LINGO2: variants seen among roughly 807,000 people sequenced by gnomAD.
LINGO2 encodes the protein leucine rich repeat and Ig domain containing 2.
Under a neutral mutation model 30.6 loss-of-function variants are expected in LINGO2, and 14 were observed. That is an observed-to-expected ratio of 0.46 (90% CI 0.30 to 0.72). The LOEUF (loss-of-function observed/expected upper bound fraction) is 0.72, where lower values mean the gene tolerates loss of function less well. LINGO2 is among the 30% of genes least tolerant of loss of function. LINGO2 has a pLI of 0.07. For missense variants in LINGO2, 729 were observed against 751.7 expected (o/e 0.97, Z 0.35); for synonymous variants, 317 against 288.5 (o/e 1.10, Z -1.00).
At chr9:28,298,445 C>T (rs887928786) in intron 3 of LINGO2, among the ~76,000 whole-genome samples, 3 of 147,916 alleles carry the variant, frequency 2.0e-5, no homozygotes, top group South Asian at 2.1e-4. Flanking sequence ...GGGTGGATCA[C>T]GAGGTCAAGA....
the LINGO2 span, among the ~76,000 whole-genome samples, chr9:28,767,777 C>G: frequency 3.5e-5 from 4 of 114,156 alleles, no homozygotes; most frequent in African/African-American, 1.4e-4. Context: ...TAGAGCAAGA[C>G]TCCATTTCAA....
At chr9:28,264,296 G>C (rs888860963) in intron 4 of LINGO2, among the ~76,000 whole-genome samples, 1 of 151,766 alleles carries the variant, frequency 6.6e-6, no homozygotes, top group Non-Finnish European at 1.5e-5. Flanking sequence ...AATAACGTAG[G>C]TTCCAGGAAA....
chr9:28,383,936 G>C (rs930209731), intron 2 of LINGO2, among the ~76,000 whole-genome samples: 1 of 151,950 alleles, frequency 6.6e-6, no homozygotes, highest in African/African-American at 2.4e-5. Flanking sequence ...AGAAACCTAT[G>C]ATCTTATGCT....
At chr9:28,391,518 G>T (rs535398290) in intron 2 of LINGO2, among the ~76,000 whole-genome samples, 12 of 152,066 alleles carry the variant, frequency 7.9e-5, no homozygotes, top group Non-Finnish European at 4.4e-5. Context: ...CCTTACCAAG[G>T]CCTTCCCTGT....
At chr9:28,444,487 C>T (rs547696000) in intron 2 of LINGO2, among the ~76,000 whole-genome samples, 1 of 152,278 alleles carries the variant, frequency 6.6e-6, no homozygotes, top group Admixed American at 6.5e-5. Flanking sequence ...CCCCATCAAC[C>T]CATTCACCAC....
At chr9:28,063,802 T>C (rs1825228457) in intron 4 of LINGO2, among the ~76,000 whole-genome samples, 1 of 152,186 alleles carries the variant, frequency 6.6e-6, no homozygotes, top group South Asian at 2.1e-4. Flanking sequence ...TGGACACTTC[T>C]ACATGCAACA....
At chr9:28,367,996 A>T (rs190363913) in intron 3 of LINGO2, among the ~76,000 whole-genome samples, 130 of 151,530 alleles carry the variant, frequency 8.6e-4, no homozygotes, top group Admixed American at 5.6e-3. Context: ...TTTTTCCAAG[A>T]GCTTTTACTT....
chr9:29,137,903 A>C, the LINGO2 span, among the ~76,000 whole-genome samples: 1 of 152,220 alleles, frequency 6.6e-6, no homozygotes, highest in East Asian at 1.9e-4. Flanking sequence ...AGAAAATAAT[A>C]ATATAGGACT....
chr9:28,503,739 G>A (rs1208951833), intron 1 of LINGO2, among the ~76,000 whole-genome samples: 1 of 151,816 alleles, frequency 6.6e-6, no homozygotes, highest in African/African-American at 2.4e-5. Context: ...TTCTTCCATG[G>A]GAAAACTCCG....
intron 2 of LINGO2, among the ~76,000 whole-genome samples, chr9:28,433,391 G>A (rs1285992497): frequency 1.3e-5 from 2 of 152,036 alleles, no homozygotes; most frequent in Non-Finnish European, 2.9e-5. Flanking sequence ...CAACATATCA[G>A]GCATCATGCT....
intron 1 of LINGO2, among the ~76,000 whole-genome samples, chr9:28,498,501 T>C (rs558347476): frequency 2.6e-5 from 4 of 152,274 alleles, no homozygotes; most frequent in African/African-American, 9.6e-5. Context: ...GCTAAGACCA[T>C]TGGAAAGGAC....
chr9:29,043,456 A>G, the LINGO2 span, among the ~76,000 whole-genome samples: 278 of 152,124 alleles, frequency 1.8e-3, 2 homozygotes, highest in South Asian at 3.1e-3. Context: ...AGTCACTAAA[A>G]TCTCTATAAA....
chr9:28,827,595 T>C, the LINGO2 span, among the ~76,000 whole-genome samples: 80 of 152,136 alleles, frequency 5.3e-4, no homozygotes, highest in African/African-American at 1.6e-3. Flanking sequence ...TGACAATACA[T>C]ATTTGTTGAA....
chr9:28,846,437 C>A, the LINGO2 span, among the ~76,000 whole-genome samples: 24 of 125,680 alleles, frequency 1.9e-4, 1 homozygote, highest in East Asian at 5.8e-3. Flanking sequence ...TTAAGATTCC[C>A]GATTTATTGC....
At position 28,563,414 on chromosome 9, in the gene LINGO2, G is replaced by A. The variant is rs117431251; in HGVS notation, c.-364-87389C>T. On this transcript the variant is annotated intron_variant, in intron 1 of 5. Coordinates refer to ENST00000379992, the Ensembl canonical transcript of LINGO2. The stretch of plus-strand genomic sequence containing the variant: ...AGAAGTCATACAGCTTTCTATTTAC[G>A]TCTAAGTTCAAAACATATTCTGGAC... 3.4e-3 allele frequency among the ~76,000 whole-genome samples: 513 copies of A among 152,084 alleles called. 1 individual carries two copies. Among genetic ancestry groups the A allele is most frequent in the Non-Finnish European group, 5.5e-3 (374 of 67,994 alleles).
At chr9:28,264,035 C>T (rs573708841) in intron 4 of LINGO2, among the ~76,000 whole-genome samples, 1 of 151,022 alleles carries the variant, frequency 6.6e-6, no homozygotes, top group Non-Finnish European at 1.5e-5. Flanking sequence ...AGATATACCA[C>T]GAGCTCTCAT....
the LINGO2 span, among the ~76,000 whole-genome samples, chr9:28,727,375 T>G: frequency 6.6e-6 from 1 of 151,926 alleles, no homozygotes; most frequent in Admixed American, 6.6e-5. Flanking sequence ...AAGCTCCGCC[T>G]CCCAGGTTCA....
At chr9:28,374,205 T>TA (rs59683756) in intron 2 of LINGO2, among the ~76,000 whole-genome samples, 12,601 of 69,416 alleles carry the variant, frequency 0.18, 1,004 homozygotes, top group African/African-American at 0.42. Context: ...AAAATATGTT[T>TA]TTATTTATAT....
chr9:28,943,967 T>C, the LINGO2 span, among the ~76,000 whole-genome samples: 1 of 152,238 alleles, frequency 6.6e-6, no homozygotes, highest in African/African-American at 2.4e-5. Flanking sequence ...CATGAGTTCA[T>C]TAGGACATAT....
Sources: gnomAD v4.1 joint callset for allele counts (sites outside exome capture counted in the v4.1 genomes callset) on GRCh38, gnomAD v4.1.1 for gene constraint, MANE v1.5 for transcripts, NCBI Gene and HGNC (gene_info 2026-07-23, HGNC 2026-07-21) for gene names.